ATP2B2: variants seen among roughly 807,000 people sequenced by gnomAD.
The protein encoded by ATP2B2 is ATPase plasma membrane Ca2+ transporting 2.
ATP2B2 carries 15 observed loss-of-function variants against 120.0 expected under a neutral mutation model. The ratio of observed to expected loss-of-function variants is 0.12; its 90% CI spans 0.08 to 0.19. The LOEUF is 0.19. Ranked by LOEUF, ATP2B2 falls within the 10% of genes least tolerant of loss-of-function variation. The probability of loss-of-function intolerance (pLI) is 1.00; values close to 1 mark genes in which losing one functional copy is unlikely to be tolerated. For synonymous variants in ATP2B2, 694 were observed against 700.3 expected, an observed-to-expected ratio of 0.99 and a Z score of 0.14; for missense variants, 1,045 against 1,719.8, an observed-to-expected ratio of 0.61 and a Z score of 6.94.
rs950274359 is a variant in ATP2B2, at chr3:10,343,716, C to T, written c.2704-751G>A. Among the ~76,000 whole-genome samples, 7 of 152,080 alleles carry T rather than the reference C, an allele frequency of 4.6e-5. No homozygotes were observed. The highest frequency in any genetic ancestry group is 1.7e-4 in the African/African-American group (7 of 41,398). On this transcript the variant is annotated intron_variant, in intron 18 of 22. Transcript: ENST00000360273. This position sits in a 1 kb window ranked among gnomAD's most constrained non-coding sequence, Gnocchi z 4.2. Reference sequence around the variant, plus strand: ...ACGTTCCCAGAATGCCCTCCGCCCACGTCACCAGCACCTTCTGTGCCACGA... The same window carrying T: ...ACGTTCCCAGAATGCCCTCCGCCCATGTCACCAGCACCTTCTGTGCCACGA...
chr3:10,439,664 AT>A (rs934558200), intron 2 of ATP2B2, among the ~76,000 whole-genome samples: 2 of 151,506 alleles, frequency 1.3e-5, no homozygotes, highest in African/African-American at 4.9e-5. Flanking sequence ...GAGGTTTTCA[AT>A]TTTTTTTTCT....
intron 3 of ATP2B2, 94 bp downstream of exon 3, chr3:10,410,524 G>A: frequency 7.0e-7 from 1 of 1,430,634 alleles, no homozygotes; most frequent in South Asian, 1.4e-5. Context: ...TCCCCTGGGA[G>A]GAGAGGATTA....
At chr3:10,377,167 CG>C (rs1388539114) in intron 10 of ATP2B2, among the ~76,000 whole-genome samples, 1 of 152,156 alleles carries the variant, frequency 6.6e-6, no homozygotes, top group Non-Finnish European at 1.5e-5. Context: ...GCTTCGTTCC[CG>C]GCCCTGTCAG....
At chr3:10,562,664 C>T (rs188240524) in intron 2 of ATP2B2, among the ~76,000 whole-genome samples, 24 of 152,302 alleles carry the variant, frequency 1.6e-4, no homozygotes, top group African/African-American at 5.5e-4. Flanking sequence ...AATTTTTGGA[C>T]CTCAAGTTGA....
Position 10,402,387 on chromosome 3 carries a change from C to T in ATP2B2, c.398-39G>A. 1 of 1,609,238 alleles carries T rather than the reference C, an allele frequency of 6.2e-7. No individual in the cohort carries two copies. Among genetic ancestry groups the T allele is most frequent in the Non-Finnish European group, 8.5e-7 (1 of 1,179,996 alleles). ...TAGAAGCAGGCAGAGTGAGGTCAACCAGACAGGAGAGGCCTCATGGGCCTG... is the reference window on the plus strand; with the variant it reads ...TAGAAGCAGGCAGAGTGAGGTCAACTAGACAGGAGAGGCCTCATGGGCCTG... On this transcript the variant is annotated intron_variant, in intron 3 of 22. Coordinates refer to ENST00000360273, the MANE Select transcript of ATP2B2 (RefSeq NM_001001331.4). This position sits in a 1 kb window ranked among gnomAD's most constrained non-coding sequence, Gnocchi z 4.9.
chr3:10,398,110 T>C (rs544102057), intron 5 of ATP2B2, among the ~76,000 whole-genome samples: 2 of 152,296 alleles, frequency 1.3e-5, no homozygotes, highest in African/African-American at 4.8e-5. Flanking sequence ...ACACTTGCTT[T>C]CTTTTTGCCA....
chr3:10,403,175 G>A (rs2062286220), intron 3 of ATP2B2, among the ~76,000 whole-genome samples: 1 of 152,194 alleles, frequency 6.6e-6, no homozygotes, highest in African/African-American at 2.4e-5. Context: ...CCAGGACTCA[G>A]GGAGAGGAAG....
chr3:10,658,649 A>G (rs918431362), intron 1 of ATP2B2, among the ~76,000 whole-genome samples: 1 of 152,138 alleles, frequency 6.6e-6, no homozygotes, highest in African/African-American at 2.4e-5. Flanking sequence ...GGGAGAATGG[A>G]ACCAAGTTGG....
chr3:10,579,108 C>A (rs539097022), intron 2 of ATP2B2, among the ~76,000 whole-genome samples: 128 of 152,304 alleles, frequency 8.4e-4, no homozygotes, highest in African/African-American at 3.0e-3. Context: ...ATGGGGAGGA[C>A]CAGGCCTACC....
intron 3 of ATP2B2, 129 bp downstream of exon 3, chr3:10,410,489 C>T: frequency 8.2e-7 from 1 of 1,215,122 alleles, no homozygotes; most frequent in Non-Finnish European, 1.2e-6. Flanking sequence ...ATGGGTGGGG[C>T]CCTGCCCCTT....
At chr3:10,450,026 G>A (rs149175917) in intron 1 of ATP2B2, among the ~76,000 whole-genome samples, 164 bp from the exon 2 acceptor site, 130 of 152,068 alleles carry the variant, frequency 8.5e-4, no homozygotes, top group African/African-American at 2.8e-3. Flanking sequence ...TGCTACTAGC[G>A]CCAACCCAGG....
At chr3:10,558,563 G>A (rs78796481) in intron 2 of ATP2B2, among the ~76,000 whole-genome samples, 2,342 of 152,220 alleles carry the variant, frequency 0.015, 62 homozygotes, top group African/African-American at 0.053. Flanking sequence ...ATACATTCTG[G>A]ACATCTTCCC....
At position 10,329,045 on chromosome 3, in the gene ATP2B2, G is replaced by A. The variant is rs756813460; in HGVS notation, c.3501C>T (p.Phe1167=). 1 of 1,614,100 alleles carries A rather than the reference G, an allele frequency of 6.2e-7. No individual in the cohort carries two copies. Among genetic ancestry groups the A allele is most frequent in the South Asian group, 1.1e-5 (1 of 91,070 alleles). Residue 1167 remains phenylalanine, a synonymous_variant, in exon 23 of 23, where the codon TTC becomes TTT. Coordinates refer to ENST00000360273, the MANE Select transcript of ATP2B2 (RefSeq NM_001001331.4). This position sits in a 1 kb window ranked among gnomAD's most constrained non-coding sequence, Gnocchi z 5.9. ...KPESRTSIHN[F]MAHPEFRIED... ...CGATCCGGAATTCAGGATGAGCCAT[G>A]AAGTTATGGATGGAGGTTCGAGATT...
chr3:10,434,677 C>T (rs2063421190), intron 2 of ATP2B2, among the ~76,000 whole-genome samples: 1 of 152,266 alleles, frequency 6.6e-6, no homozygotes, highest in East Asian at 1.9e-4. Flanking sequence ...CTCCCAGTCT[C>T]ATGGTGCCCC....
At chr3:10,583,172 G>A (rs914542857) in intron 2 of ATP2B2, among the ~76,000 whole-genome samples, 15 of 152,210 alleles carry the variant, frequency 9.9e-5, no homozygotes, top group Admixed American at 7.2e-4. Flanking sequence ...GCAGCATCTT[G>A]AAGCCCTTGC....
At chr3:10,615,208 C>G (rs867971006) in intron 2 of ATP2B2, among the ~76,000 whole-genome samples, 1 of 152,114 alleles carries the variant, frequency 6.6e-6, no homozygotes, top group Non-Finnish European at 1.5e-5. Flanking sequence ...GGGAGTGATG[C>G]GAGCAGATCT....
At chr3:10,412,309 G>A (rs2125025631) in intron 2 of ATP2B2, among the ~76,000 whole-genome samples, 1 of 152,294 alleles carries the variant, frequency 6.6e-6, no homozygotes, top group Non-Finnish European at 1.5e-5. Context: ...ACCTCTCATG[G>A]AGGAAATTCA....
chr3:10,340,843 G>A lies in ATP2B2; in HGVS notation c.2918-139C>T, dbSNP rs890830137. 1.3e-5 allele frequency: 11 copies of A among 841,684 alleles called. No homozygotes were observed. The highest frequency in any genetic ancestry group is 3.4e-5 in the African/African-American group (2 of 59,488). The allele number at this position is 841,684 out of a possible 1,614,324, so 52.1% of individuals were successfully genotyped here. A position where few individuals can be genotyped will look rare whatever the true frequency, so the allele number is the denominator to read the frequency against. On this transcript the variant is annotated intron_variant, in intron 19 of 22. Transcript: ENST00000360273. This position sits in a 1 kb window ranked among gnomAD's most constrained non-coding sequence, Gnocchi z 5.0. ...TCAAGGCATGCTTGGACAGTGGGGG[G>A]CCAGGGCTGTGCTGTCAGCTGGTCA...
In ATP2B2 at chr3:10,679,201, T is replaced by C. The variant is rs1489235013; in HGVS notation, c.-460+28714A>G. On this transcript the variant is annotated intron_variant, in intron 1 of 21. Coordinates refer to the ATP2B2 transcript ENST00000646379. ...TCGTGAGACCCCAAGCAGAGGATAC[T>C]TGCCTGCACTATGGTGTATGGAAAC... Among the ~76,000 whole-genome samples, 4 of 152,164 alleles carry C rather than the reference T, an allele frequency of 2.6e-5. 1 individual carries two copies. The highest frequency in any genetic ancestry group is 2.6e-4 in the Admixed American group (4 of 15,278).
Sources: gnomAD v4.1 joint callset for allele counts (sites outside exome capture counted in the v4.1 genomes callset) on GRCh38, gnomAD v4.1.1 for gene constraint, Gnocchi (gnomAD v3.1) non-coding constraint, MANE v1.5 for transcripts, NCBI Gene and HGNC (gene_info 2026-07-23, HGNC 2026-07-21) for gene names.